Variants in ZFAND3 observed in about 807,000 individuals in gnomAD.
The protein encoded by ZFAND3 is zinc finger AN1-type containing 3.
A neutral mutation model predicts 29.6 loss-of-function variants in ZFAND3; 10 were observed. The ratio of observed to expected loss-of-function variants is 0.34; its 90% CI spans 0.21 to 0.57. The LOEUF is 0.57. Among genes scored for constraint, ZFAND3 ranks in the 20% least tolerant of loss-of-function variants. ZFAND3 has a pLI of 0.86. For synonymous variants in ZFAND3, 128 were observed against 112.6 expected (o/e 1.14, Z -0.87); for missense variants, 230 against 304.5 (o/e 0.76, Z 1.82).
intron 4 of ZFAND3, among the ~76,000 whole-genome samples, chr6:38,111,537 T>C (rs1765316201): frequency 6.6e-6 from 1 of 152,154 alleles, no homozygotes; most frequent in Admixed American, 6.5e-5. Flanking sequence ...CACTCCTCCT[T>C]CGTCTCCTCC....
intron 5 of ZFAND3, among the ~76,000 whole-genome samples, chr6:38,144,231 A>AT (rs67159019): frequency 0.03 from 2,235 of 74,940 alleles, 66 homozygotes; most frequent in South Asian, 0.04. Flanking sequence ...ATATATATAT[A>AT]TTTTTTTTTT....
chr6:37,869,316 G>A (rs375940499), intron 1 of ZFAND3, among the ~76,000 whole-genome samples: 2 of 151,364 alleles, frequency 1.3e-5, no homozygotes, highest in Non-Finnish European at 2.9e-5. Flanking sequence ...GGCGCACCAC[G>A]CCTGGCTAGT....
chr6:37,825,131 A>G (rs999747592), intron 1 of ZFAND3, among the ~76,000 whole-genome samples: 2 of 152,082 alleles, frequency 1.3e-5, no homozygotes, highest in African/African-American at 4.8e-5. Flanking sequence ...GGCTCCTCAT[A>G]GTGTGTGGAC....
At chr6:38,067,787 C>T (rs778861520) in intron 3 of ZFAND3, among the ~76,000 whole-genome samples, 15 of 152,178 alleles carry the variant, frequency 9.9e-5, no homozygotes, top group Non-Finnish European at 2.2e-4. Context: ...GCCCTCTTAG[C>T]TCTTTATACA....
chr6:37,987,456 T>G (rs1356918810), intron 2 of ZFAND3, among the ~76,000 whole-genome samples: 2 of 152,202 alleles, frequency 1.3e-5, no homozygotes, highest in Admixed American at 6.5e-5. Context: ...AGTGAATTAT[T>G]CTGATAAAGA....
chr6:37,874,147 T>G lies in ZFAND3; in HGVS notation c.71+54131T>G, dbSNP rs532986952. Among the ~76,000 whole-genome samples the G allele has an allele frequency of 3.3e-5, 5 of 152,322 alleles. No homozygotes were observed. The South Asian group carries it at 1.0e-3, about 32-fold the overall frequency. On this transcript the variant is annotated intron_variant, in intron 1 of 5. Transcript: ENST00000287218. ...AGGATGTTTTCCAGGACCTTCTTCT[T>G]GGTTTGTAGATGGCCATCTTCTCCC... is the stretch of plus-strand genomic sequence containing the variant.
intron 1 of ZFAND3, among the ~76,000 whole-genome samples, chr6:37,925,716 A>AG: frequency 6.6e-6 from 1 of 152,030 alleles, no homozygotes; most frequent in African/African-American, 2.4e-5. Context: ...AAAAAAAAAA[A>AG]AAAGGTTTCT....
At position 38,061,657 on chromosome 6, in the gene ZFAND3, G is replaced by A; in HGVS notation, c.177G>A (p.Leu59=). 6.2e-7 allele frequency: 1 copy of A among 1,614,184 alleles called. No homozygotes were observed. Among genetic ancestry groups the A allele is most frequent in the Non-Finnish European group, 8.5e-7 (1 of 1,180,024 alleles). ...GTACAAGTAACAGCCAATCAGATTT[G>A]TTTTCCGAAGAGACCACCAGTGACA... ...APSTSNSQSD[L]FSEETTSDNN... The change falls in exon 3 of 6, where the codon TTG becomes TTA. Residue 59 remains leucine, a synonymous_variant. Coordinates refer to ENST00000287218, the MANE Select transcript of ZFAND3 (RefSeq NM_021943.3).
intron 2 of ZFAND3, among the ~76,000 whole-genome samples, chr6:38,038,238 T>C (rs1321426788): frequency 6.6e-6 from 1 of 152,190 alleles, no homozygotes; most frequent in African/African-American, 2.4e-5. Flanking sequence ...GTTAGAGAGC[T>C]TTGTTACCCT....
In ZFAND3 at chr6:37,918,951, C is replaced by CTTTTTTTTTTTTTTTTTTTTTTTTTTT. The variant is rs66941014; in HGVS notation, c.72-10988_72-10987insTTTTTTTTTTTTTTTTTTTTTTTTTTT. Among the ~76,000 whole-genome samples, 2 of 104,736 alleles carry CTTTTTTTTTTTTTTTTTTTTTTTTTTT rather than the reference C, an allele frequency of 1.9e-5. 1 individual carries two copies. Among genetic ancestry groups the CTTTTTTTTTTTTTTTTTTTTTTTTTTT allele is most frequent in the African/African-American group, 8.1e-5 (2 of 24,552 alleles). The allele number at this position is 104,736 out of a possible 152,430, so 68.7% of individuals were successfully genotyped here. ...TGTGTTTTCAAAACATGAAAAATGC[C>CTTTTTTTTTTTTTTTTTTTTTTTTTTT]TTTTTTTTTTTTTTTTTTTTGAGAC... On this transcript the variant is annotated intron_variant, in intron 1 of 5. Transcript: ENST00000287218.
chr6:38,103,076 G>A (rs1263919841), intron 4 of ZFAND3, among the ~76,000 whole-genome samples: 1 of 152,084 alleles, frequency 6.6e-6, no homozygotes, highest in African/African-American at 2.4e-5. Context: ...ACTTCTAAAT[G>A]AATGTTCTAA....
intron 2 of ZFAND3, among the ~76,000 whole-genome samples, chr6:37,964,713 C>T (rs540945683): frequency 3.2e-4 from 49 of 152,310 alleles, no homozygotes; most frequent in Non-Finnish European, 6.0e-4. Context: ...TCATGCATTC[C>T]GGCATCCCTT....
intron 3 of ZFAND3, among the ~76,000 whole-genome samples, chr6:38,072,337 A>C (rs936662862): frequency 6.6e-6 from 1 of 152,198 alleles, no homozygotes; most frequent in Non-Finnish European, 1.5e-5. Flanking sequence ...TGCAGATCTG[A>C]AAGGTTAGTT....
At position 38,118,118 on chromosome 6, in the gene ZFAND3, G is replaced by A. The variant is rs150547489; in HGVS notation, c.529+1379G>A. On this transcript the variant is annotated intron_variant, in intron 5 of 5. Coordinates refer to ENST00000287218, the MANE Select transcript of ZFAND3 (RefSeq NM_021943.3). ...TAAAGAGGGTTAGGATAGGTGGTGGGAATAGAGGCTGACAGCAGTTTTCAG... is the reference window on the plus strand; with the variant it reads ...TAAAGAGGGTTAGGATAGGTGGTGGAAATAGAGGCTGACAGCAGTTTTCAG... Among the ~76,000 whole-genome samples, 428 of 152,344 alleles carry A rather than the reference G, an allele frequency of 2.8e-3. 2 individuals are homozygous for A. The highest frequency in any genetic ancestry group is 9.8e-3 in the African/African-American group (408 of 41,576).
At chr6:37,951,947 T>G (rs1297148044) in intron 2 of ZFAND3, among the ~76,000 whole-genome samples, 1 of 152,234 alleles carries the variant, frequency 6.6e-6, no homozygotes, top group Non-Finnish European at 1.5e-5. Context: ...TTAAGATGCA[T>G]TTATTGAGAT....
chr6:37,946,119 A>C (rs951339172), intron 2 of ZFAND3, among the ~76,000 whole-genome samples: 1 of 152,176 alleles, frequency 6.6e-6, no homozygotes, highest in Non-Finnish European at 1.5e-5. Context: ...TTCATTGTGG[A>C]GGTTCAGAGT....
chr6:37,839,826 T>C (rs1764040162), intron 1 of ZFAND3, among the ~76,000 whole-genome samples: 2 of 152,146 alleles, frequency 1.3e-5, no homozygotes, highest in African/African-American at 4.8e-5. Flanking sequence ...AGTTGTAAAA[T>C]TTATGTATTC....
At chr6:38,072,665 C>T (rs987541873) in intron 3 of ZFAND3, among the ~76,000 whole-genome samples, 2 of 152,084 alleles carry the variant, frequency 1.3e-5, no homozygotes, top group Non-Finnish European at 2.9e-5. Context: ...AACATAATGG[C>T]ATTTATGTGA....
chr6:38,051,335 C>T (rs1764021672), intron 2 of ZFAND3, among the ~76,000 whole-genome samples: 1 of 152,216 alleles, frequency 6.6e-6, no homozygotes, highest in Non-Finnish European at 1.5e-5. Flanking sequence ...AAGGGGGGTG[C>T]TAACCTGCTG....
Sources: gnomAD v4.1 joint callset for allele counts (sites outside exome capture counted in the v4.1 genomes callset) on GRCh38, gnomAD v4.1.1 for gene constraint, MANE v1.5 for transcripts, NCBI Gene and HGNC (gene_info 2026-07-23, HGNC 2026-07-21) for gene names.